COG6: variants seen among roughly 807,000 people sequenced by gnomAD.
COG6 encodes the protein conserved oligomeric Golgi complex subunit 6.
In COG6, 74 loss-of-function variants were observed where a neutral mutation model predicts 88.8. The ratio of observed to expected loss-of-function variants is 0.83; its 90% CI spans 0.69 to 1.01. The LOEUF (loss-of-function observed/expected upper bound fraction) is 1.01. COG6 is among the 50% of genes least tolerant of loss of function. The probability of loss-of-function intolerance (pLI) is 0.00; values close to 1 mark genes in which losing one functional copy is unlikely to be tolerated. For missense variants in COG6, 800 were observed against 797.9 expected (o/e 1.00, Z -0.03); for synonymous variants, 286 against 278.7 (o/e 1.03, Z -0.26).
intron 11 of COG6, 107 bp from the exon 12 acceptor site, chr13:39,694,527 G>A (rs1041491090): frequency 7.2e-5 from 48 of 664,904 alleles, no homozygotes; most frequent in Non-Finnish European, 1.3e-4. Context: ...TGTGATCTCT[G>A]CAGTAATAAA....
chr13:39,767,568 C>T (rs751614614), intron 18 of COG6, among the ~76,000 whole-genome samples: 7 of 152,202 alleles, frequency 4.6e-5, no homozygotes, highest in Middle Eastern at 6.8e-3. Context: ...CAAAGAAGGG[C>T]GTTCTCTCTG....
At chr13:39,782,455 G>C (rs1205832999) in intron 18 of COG6, among the ~76,000 whole-genome samples, 1 of 152,198 alleles carries the variant, frequency 6.6e-6, no homozygotes, top group Non-Finnish European at 1.5e-5. Context: ...TGGACATGCT[G>C]CTTGTAGTAA....
intron 4 of COG6, among the ~76,000 whole-genome samples, chr13:39,670,432 A>T (rs1875556567): frequency 6.6e-6 from 1 of 152,118 alleles, no homozygotes; most frequent in Non-Finnish European, 1.5e-5. Flanking sequence ...GAAAGAATAT[A>T]GGACTTAAGA....
chr13:39,737,342 G>C (rs1879817661), intron 18 of COG6, among the ~76,000 whole-genome samples: 1 of 152,036 alleles, frequency 6.6e-6, no homozygotes, highest in Non-Finnish European at 1.5e-5. Flanking sequence ...GTTCCCTCAA[G>C]GTCCAAGGGC....
At chr13:39,749,272 GTATT>G (rs1451917928) in intron 18 of COG6, among the ~76,000 whole-genome samples, 2 of 152,170 alleles carry the variant, frequency 1.3e-5, no homozygotes, top group Non-Finnish European at 1.5e-5. Flanking sequence ...CAGTGAACAT[GTATT>G]TATTGAGCAT....
At chr13:39,667,161 C>G (rs1875325296) in intron 4 of COG6, among the ~76,000 whole-genome samples, 1 of 152,060 alleles carries the variant, frequency 6.6e-6, no homozygotes, top group Non-Finnish European at 1.5e-5. Flanking sequence ...AAATATTGCA[C>G]AATTTTAAGA....
chr13:39,728,668 G>A (rs1879269676), intron 18 of COG6, among the ~76,000 whole-genome samples: 1 of 151,764 alleles, frequency 6.6e-6, no homozygotes, highest in Non-Finnish European at 1.5e-5. Flanking sequence ...GTTGTTTGTA[G>A]GTGCTTCTTT....
At chr13:39,729,332 C>T (rs1879310769) in intron 18 of COG6, among the ~76,000 whole-genome samples, 1 of 152,168 alleles carries the variant, frequency 6.6e-6, no homozygotes, top group African/African-American at 2.4e-5. Flanking sequence ...AATTGTCTTC[C>T]ACAAAACCAG....
chr13:39,720,502 A>T (rs1161998685), intron 15 of COG6, among the ~76,000 whole-genome samples: 2 of 152,126 alleles, frequency 1.3e-5, no homozygotes, highest in African/African-American at 4.8e-5. Flanking sequence ...CAGTGGGTAT[A>T]GGAATGAGTT....
chr13:39,673,350 G>A (rs1239694508), intron 4 of COG6, among the ~76,000 whole-genome samples: 2 of 151,776 alleles, frequency 1.3e-5, no homozygotes, highest in African/African-American at 4.8e-5. Flanking sequence ...AATTTATCAG[G>A]TTTTGAAATC....
chr13:39,733,459 G>A (rs558180566), intron 18 of COG6, among the ~76,000 whole-genome samples: 1 of 152,124 alleles, frequency 6.6e-6, no homozygotes, highest in East Asian at 1.9e-4. Context: ...AAAGTGCTGG[G>A]ATTACAGGTG....
intron 1 of COG6, among the ~76,000 whole-genome samples, chr13:39,657,608 A>G (rs903046386): frequency 2.6e-5 from 4 of 152,086 alleles, no homozygotes; most frequent in Non-Finnish European, 5.9e-5. Flanking sequence ...TTGAATTTAT[A>G]TAAATAGTTT....
chr13:39,692,655 C>T (rs1019965490), intron 11 of COG6, among the ~76,000 whole-genome samples: 1 of 152,022 alleles, frequency 6.6e-6, no homozygotes, highest in East Asian at 1.9e-4. Flanking sequence ...TTCTCTTGCT[C>T]TCGCTTTTGC....
At chr13:39,710,201 A>T (rs934005430) in intron 13 of COG6, among the ~76,000 whole-genome samples, 1 of 152,118 alleles carries the variant, frequency 6.6e-6, no homozygotes, top group Non-Finnish European at 1.5e-5. Flanking sequence ...CAGGCCTTGC[A>T]CATCTTTGGT....
chr13:39,722,890 A>G (rs956241712), intron 15 of COG6, among the ~76,000 whole-genome samples: 1 of 152,096 alleles, frequency 6.6e-6, no homozygotes, highest in East Asian at 1.9e-4. Flanking sequence ...TTACTACCTG[A>G]GCTGTAGTGG....
chr13:39,684,242 G>GTTTTTTTTT (rs1593423136), intron 8 of COG6, among the ~76,000 whole-genome samples: 21 of 44,784 alleles, frequency 4.7e-4, no homozygotes, highest in Non-Finnish European at 6.4e-4. Context: ...CAATTTGGAA[G>GTTTTTTTTT]ATTTTTTTTT....
At chr13:39,787,475 A>G (rs907949158) in intron 18 of COG6, among the ~76,000 whole-genome samples, 6 of 152,194 alleles carry the variant, frequency 3.9e-5, no homozygotes, top group Non-Finnish European at 5.9e-5. Context: ...GAAACAGATT[A>G]ACTAATCTTG....
intron 13 of COG6, among the ~76,000 whole-genome samples, chr13:39,711,882 T>C (rs1484503909): frequency 6.6e-6 from 1 of 152,170 alleles, no homozygotes; most frequent in Non-Finnish European, 1.5e-5. Flanking sequence ...GTTTTTGAGA[T>C]TGAGTCTCGC....
At chr13:39,746,167 G>A (rs1323485240) in intron 18 of COG6, among the ~76,000 whole-genome samples, 3 of 151,744 alleles carry the variant, frequency 2.0e-5, no homozygotes, top group Non-Finnish European at 4.4e-5. Flanking sequence ...AACCAACATG[G>A]CACGTGTATA....
Sources: gnomAD v4.1 joint callset for allele counts (sites outside exome capture counted in the v4.1 genomes callset) on GRCh38, gnomAD v4.1.1 for gene constraint, MANE v1.5 for transcripts, NCBI Gene and HGNC (gene_info 2026-07-23, HGNC 2026-07-21) for gene names.